Variants in PLCB1 observed in about 807,000 individuals in gnomAD.
PLCB1 encodes phospholipase C beta 1.
A neutral mutation model predicts 161.8 loss-of-function variants in PLCB1; 46 were observed. The observed-to-expected ratio is 0.28, with a 90% confidence interval of 0.22 to 0.36. PLCB1 has a LOEUF of 0.36. PLCB1 is among the 10% of genes least tolerant of loss of function. The pLI is 1.00. For missense variants in PLCB1, 1,016 were observed against 1,472.5 expected, an observed-to-expected ratio of 0.69 and a Z score of 5.07; for synonymous variants, 517 against 503.7, an observed-to-expected ratio of 1.03 and a Z score of -0.35.
chr20:8,695,261 T>C (rs1990560179), intron 10 of PLCB1, among the ~76,000 whole-genome samples: 1 of 152,240 alleles, frequency 6.6e-6, no homozygotes, highest in Non-Finnish European at 1.5e-5. Flanking sequence ...GGTTGAGTAT[T>C]ATGACATGCA....
chr20:8,187,094 T>G (rs1037139556), intron 2 of PLCB1, among the ~76,000 whole-genome samples: 1 of 152,120 alleles, frequency 6.6e-6, no homozygotes, highest in African/African-American at 2.4e-5. Context: ...TACTTTACAT[T>G]TGTTCTTGGA....
intron 31 of PLCB1, among the ~76,000 whole-genome samples, chr20:8,865,993 G>T (rs1281990693): frequency 6.6e-6 from 1 of 152,170 alleles, no homozygotes; most frequent in Non-Finnish European, 1.5e-5. Context: ...GATAAAATCA[G>T]TAAAGTGACG....
At chr20:8,646,078 G>C in intron 4 of PLCB1, 24 bp from the exon 5 acceptor site, 2 of 1,527,580 alleles carry the variant, frequency 1.3e-6, no homozygotes, top group Non-Finnish European at 1.8e-6. Flanking sequence ...TTAAGCTAAT[G>C]CAAGTGTTAT....
At chr20:8,267,170 T>C (rs1982005766) in intron 2 of PLCB1, among the ~76,000 whole-genome samples, 1 of 152,122 alleles carries the variant, frequency 6.6e-6, no homozygotes, top group Admixed American at 6.5e-5. Flanking sequence ...GAACATAGCT[T>C]GTCAATACTC....
rs888302525 is a variant in PLCB1 at position 8,684,360 on chromosome 20, G to A, written c.863-572G>A. Among the ~76,000 whole-genome samples the A allele has an allele frequency of 1.3e-4, 19 of 151,528 alleles. No individual in the cohort carries two copies. In the East Asian group the frequency reaches 2.3e-3, roughly 19 times the overall value. ...CAACCTCCACCTCCTGGGTGCAAGC[G>A]ATTCTCCTGCCTCAGCCTCCTGAGT... On this transcript the variant is annotated intron_variant, in intron 9 of 31. Transcript: ENST00000338037.
chr20:8,148,740 A>G (rs2051479822), intron 1 of PLCB1, among the ~76,000 whole-genome samples: 1 of 152,246 alleles, frequency 6.6e-6, no homozygotes, highest in Non-Finnish European at 1.5e-5. Context: ...GATATGACAC[A>G]TGCTCCATGA....
intron 3 of PLCB1, among the ~76,000 whole-genome samples, chr20:8,446,316 T>C (rs1980824275): frequency 6.6e-6 from 1 of 152,214 alleles, no homozygotes; most frequent in African/African-American, 2.4e-5. Context: ...ACCACATGAC[T>C]ATCTCAATAG....
intron 2 of PLCB1, among the ~76,000 whole-genome samples, chr20:8,308,669 A>G (rs1035902645): frequency 6.6e-6 from 1 of 151,424 alleles, no homozygotes; most frequent in Non-Finnish European, 1.5e-5. Flanking sequence ...CCTGTTTTAC[A>G]GATGAGAAAA....
At chr20:8,649,250 A>T in intron 6 of PLCB1, 124 bp from the exon 7 acceptor site, 1 of 619,904 alleles carries the variant, frequency 1.6e-6, no homozygotes, top group Non-Finnish European at 2.9e-6. Flanking sequence ...GTTATCTTTT[A>T]GTTCTTTAAA....
intron 2 of PLCB1, among the ~76,000 whole-genome samples, chr20:8,208,368 G>A (rs1412175054): frequency 6.6e-6 from 1 of 152,024 alleles, no homozygotes; most frequent in East Asian, 1.9e-4. Flanking sequence ...AGGAGATAAT[G>A]GACACAACCT....
intron 2 of PLCB1, among the ~76,000 whole-genome samples, chr20:8,304,954 C>A (rs1984067972): frequency 6.6e-6 from 1 of 152,166 alleles, no homozygotes; most frequent in Admixed American, 6.5e-5. Flanking sequence ...GAGACAAGAG[C>A]CATTGCTAGT....
At chr20:8,479,300 A>G (rs2122738787) in intron 3 of PLCB1, among the ~76,000 whole-genome samples, 1 of 152,350 alleles carries the variant, frequency 6.6e-6, no homozygotes. Context: ...TAACCTAAAG[A>G]TAAATGCAGT....
At chr20:8,211,299 C>T (rs994575942) in intron 2 of PLCB1, among the ~76,000 whole-genome samples, 5 of 152,188 alleles carry the variant, frequency 3.3e-5, no homozygotes, top group East Asian at 1.9e-4. Context: ...CCAGCAGTGC[C>T]ACAGACATCT....
intron 31 of PLCB1, among the ~76,000 whole-genome samples, chr20:8,860,358 A>G (rs2066884): frequency 0.28 from 43,120 of 152,146 alleles, 7,406 homozygotes; most frequent in East Asian, 0.65. Flanking sequence ...GGTTTTATAG[A>G]TTAACTCAGA....
Position 8,830,295 on chromosome 20 carries a change from G to A in PLCB1, c.3423+40034G>A, listed in dbSNP as rs189556016. ...CTGAGACCAAGGGAAACCATAATGG[G>A]GCCAGAGCATGCAAGACCATTGCAA... On this transcript the variant is annotated intron_variant, in intron 31 of 31. Coordinates refer to ENST00000338037, the MANE Select transcript of PLCB1 (RefSeq NM_015192.4). Among the ~76,000 whole-genome samples, 222 of 152,324 alleles carry A rather than the reference G, an allele frequency of 1.5e-3. 1 individual carries two copies. The highest frequency in any genetic ancestry group is 5.0e-3 in the African/African-American group (208 of 41,552).
At chr20:8,505,178 T>C (rs1456198427) in intron 3 of PLCB1, among the ~76,000 whole-genome samples, 1 of 152,198 alleles carries the variant, frequency 6.6e-6, no homozygotes, top group African/African-American at 2.4e-5. Flanking sequence ...TAGTTCTTAC[T>C]GTGACAAGGG....
chr20:8,372,695 C>T (rs1285918762), intron 3 of PLCB1, among the ~76,000 whole-genome samples: 1 of 152,112 alleles, frequency 6.6e-6, no homozygotes, highest in African/African-American at 2.4e-5. Context: ...TTCAAAATTG[C>T]TCACAGTTTT....
chr20:8,227,497 C>G (rs1979760076), intron 2 of PLCB1, among the ~76,000 whole-genome samples: 1 of 152,148 alleles, frequency 6.6e-6, no homozygotes, highest in South Asian at 2.1e-4. Context: ...GCCAACCAAT[C>G]CCTGAATTAA....
intron 31 of PLCB1, among the ~76,000 whole-genome samples, chr20:8,864,897 G>A (rs1987374398): frequency 6.6e-6 from 1 of 152,196 alleles, no homozygotes; most frequent in African/African-American, 2.4e-5. Context: ...CAAGTTTTGG[G>A]AAGCAGCGCC....
Sources: gnomAD v4.1 joint callset for allele counts (sites outside exome capture counted in the v4.1 genomes callset) on GRCh38, gnomAD v4.1.1 for gene constraint, MANE v1.5 for transcripts, NCBI Gene and HGNC (gene_info 2026-07-23, HGNC 2026-07-21) for gene names.